Variants in ATP8B4 observed in about 807,000 individuals in gnomAD.
The protein encoded by ATP8B4 is ATPase phospholipid transporting 8B4 (putative).
Under a neutral mutation model 145.6 loss-of-function variants are expected in ATP8B4, and 133 were observed. The observed-to-expected ratio is 0.91, with a 90% confidence interval of 0.79 to 1.05. The LOEUF (loss-of-function observed/expected upper bound fraction) is 1.05, where lower values mean the gene tolerates loss of function less well. ATP8B4 is among the 50% of genes least tolerant of loss of function. ATP8B4 has a pLI of 0.00. For synonymous variants in ATP8B4, 507 were observed against 492.9 expected (o/e 1.03, Z -0.38); for missense variants, 1,458 against 1,425.2 (o/e 1.02, Z -0.37).
At chr15:49,885,918 G>A (rs1695153365) in intron 23 of ATP8B4, 1 of 152,144 alleles carries the variant, frequency 6.6e-6, no homozygotes, top group Non-Finnish European at 1.5e-5. Context: ...GCTTCAATAT[G>A]TTTGATCCTG....
chr15:49,884,549 C>T (rs1007144642), intron 23 of ATP8B4, among the ~76,000 whole-genome samples: 2 of 147,970 alleles, frequency 1.4e-5, no homozygotes, highest in Admixed American at 6.8e-5. Context: ...CTGCAGTGAG[C>T]CGAGATCATA....
intron 25 of ATP8B4, among the ~76,000 whole-genome samples, 180 bp downstream of exon 25, chr15:49,876,098 A>T (rs1306072605): frequency 3.3e-5 from 5 of 152,238 alleles, no homozygotes; most frequent in Non-Finnish European, 5.9e-5. Context: ...CCTAATGCTA[A>T]TTCTCCCCAG....
intron 1 of ATP8B4, among the ~76,000 whole-genome samples, chr15:50,137,042 A>G (rs755418932): frequency 2.0e-5 from 3 of 152,198 alleles, no homozygotes; most frequent in Non-Finnish European, 4.4e-5. Flanking sequence ...TGAATTCTGT[A>G]TCCCCATAGC....
At chr15:49,978,739 T>TAC (rs60436585) in intron 12 of ATP8B4, among the ~76,000 whole-genome samples, 6,388 of 122,742 alleles carry the variant, frequency 0.052, 201 homozygotes, top group African/African-American at 0.062. Flanking sequence ...CTTTATCAAA[T>TAC]ACACACACAC....
At chr15:49,942,202 T>C (rs1418169575) in intron 14 of ATP8B4, among the ~76,000 whole-genome samples, 5 of 151,736 alleles carry the variant, frequency 3.3e-5, no homozygotes, top group Admixed American at 3.3e-4. Context: ...TAAAACTATA[T>C]TAAAAATAAA....
chr15:49,886,423 G>A (rs2036196234), intron 23 of ATP8B4, among the ~76,000 whole-genome samples: 1 of 152,162 alleles, frequency 6.6e-6, no homozygotes, highest in South Asian at 2.1e-4. Flanking sequence ...GATGGGGGGA[G>A]CATGCAGGGA....
At chr15:50,115,645 T>G (rs1472668281) in intron 1 of ATP8B4, among the ~76,000 whole-genome samples, 1 of 151,952 alleles carries the variant, frequency 6.6e-6, no homozygotes, top group African/African-American at 2.4e-5. Flanking sequence ...ATAGGAAGAA[T>G]GTGCAGTGAT....
At chr15:50,148,706 A>C (rs78584879) in intron 1 of ATP8B4, among the ~76,000 whole-genome samples, 1,846 of 152,360 alleles carry the variant, frequency 0.012, 50 homozygotes, top group African/African-American at 0.043. Context: ...GGTACTCTGT[A>C]ATAGCAGCAC....
intron 21 of ATP8B4, among the ~76,000 whole-genome samples, chr15:49,900,779 C>T (rs1000611465): frequency 1.3e-5 from 2 of 152,082 alleles, no homozygotes; most frequent in South Asian, 2.1e-4. Flanking sequence ...AACAGTGAGC[C>T]GTAACACTCC....
Position 49,897,301 on chromosome 15 carries a change from G to T in ATP8B4, c.2688C>A (p.Phe896Leu). 6.2e-7 allele frequency: 1 copy of T among 1,607,208 alleles called. No homozygotes were observed. The highest frequency in any genetic ancestry group is 8.5e-7 in the Non-Finnish European group (1 of 1,176,926). Residue 896 changes from phenylalanine (F) to leucine (L), a missense_variant, in exon 23 of 28, where the codon TTC (phenylalanine) becomes TTA (leucine). Transcript: ENST00000284509. ...ACATGCTTTTACCAACCTGGGCTGA[G>T]AAACCACAGAAGAAACCAAACCAGA... ...VHFWFGFFCG[F>L]SAQTVYDQWF...
chr15:49,897,267 CA>C (rs748489704), intron 23 of ATP8B4, 24 bp downstream of exon 23: 106 of 1,486,746 alleles, frequency 7.1e-5, no homozygotes, highest in South Asian at 2.0e-4. Context: ...AACAAACAAA[CA>C]AAAAAAAACA....
intron 13 of ATP8B4, among the ~76,000 whole-genome samples, chr15:49,963,190 T>C (rs182350412): frequency 7.0e-4 from 107 of 152,264 alleles, no homozygotes; most frequent in Non-Finnish European, 1.4e-3. Context: ...CTGATCATTG[T>C]AGAGAAATGC....
chr15:50,081,366 G>A (rs1600245375), intron 2 of ATP8B4, among the ~76,000 whole-genome samples: 2 of 152,030 alleles, frequency 1.3e-5, no homozygotes, highest in East Asian at 3.9e-4. Flanking sequence ...TAGTAAATGG[G>A]CAAAAAAGGA....
intron 14 of ATP8B4, among the ~76,000 whole-genome samples, chr15:49,934,668 A>T (rs1477927265): frequency 6.6e-6 from 1 of 152,104 alleles, no homozygotes; most frequent in Admixed American, 6.6e-5. Flanking sequence ...ACTTTCTCAG[A>T]TGTCACTGGA....
At chr15:50,054,806 A>C (rs975020916) in intron 3 of ATP8B4, among the ~76,000 whole-genome samples, 54 of 135,296 alleles carry the variant, frequency 4.0e-4, no homozygotes, top group Middle Eastern at 3.5e-3. Context: ...AAAAAAAAAA[A>C]AAACAAAAAA....
In ATP8B4 at chr15:50,130,636, C is replaced by A. The variant is rs547825962; in HGVS notation, c.-42-23628G>T. On this transcript the variant is annotated intron_variant, in intron 1 of 3. Transcript: ENST00000558829. ...CTAAAAATATAAAAAATTAGCCAGG[C>A]GTGGTGGCAGGCGCCTGTAGTCCCA... Among the ~76,000 whole-genome samples, 3 of 151,842 alleles carry A rather than the reference C, an allele frequency of 2.0e-5. No individual in the cohort carries two copies. The South Asian group carries it at 6.3e-4, about 32-fold the overall frequency.
intron 1 of ATP8B4, among the ~76,000 whole-genome samples, chr15:50,153,494 G>A (rs1451031004): frequency 1.3e-5 from 2 of 152,006 alleles, no homozygotes; most frequent in Non-Finnish European, 1.5e-5. Context: ...GCCTGCCACC[G>A]TGCCCAGCTA....
At chr15:50,081,260 C>A (rs1195927263) in intron 2 of ATP8B4, among the ~76,000 whole-genome samples, 2 of 152,060 alleles carry the variant, frequency 1.3e-5, no homozygotes, top group African/African-American at 4.8e-5. Flanking sequence ...TAAAATAATG[C>A]CACTGTGTGT....
intron 5 of ATP8B4, among the ~76,000 whole-genome samples, chr15:50,040,062 G>C (rs1453572451): frequency 1.3e-5 from 2 of 151,954 alleles, no homozygotes; most frequent in Admixed American, 6.5e-5. Context: ...AATTTGGAAG[G>C]GTTGCTGAAT....
Sources: allele counts gnomAD v4.1 joint callset (sites outside exome capture counted in the v4.1 genomes callset), GRCh38; gene constraint gnomAD v4.1.1; transcripts MANE v1.5; gene names NCBI Gene and HGNC (gene_info 2026-07-23, HGNC 2026-07-21).